The following ADAMTS16 variants were observed in gnomAD, a reference collection of about 807,000 sequenced individuals.
ADAMTS16 encodes the protein A disintegrin and metalloproteinase with thrombospondin motifs 16.
ADAMTS16 carries 94 observed loss-of-function variants against 145.8 expected under a neutral mutation model. The observed-to-expected ratio is 0.64, with a 90% CI of 0.55 to 0.77. The LOEUF (loss-of-function observed/expected upper bound fraction) is 0.77. ADAMTS16 is among the 30% of genes least tolerant of loss of function. ADAMTS16 has a pLI of 0.00. For missense variants in ADAMTS16, 1,585 were observed against 1,591.5 expected (o/e 1.00, Z 0.07); for synonymous variants, 659 against 604.3 (o/e 1.09, Z -1.33).
intron 5 of ADAMTS16, among the ~76,000 whole-genome samples, chr5:5,187,507 CCTTT>C (rs1219093129): frequency 2.0e-5 from 3 of 152,214 alleles, no homozygotes; most frequent in African/African-American, 7.2e-5. Flanking sequence ...GCCTTGTGAT[CCTTT>C]CTTAGGTGTT....
At chr5:5,245,276 A>C (rs1737405507) in intron 17 of ADAMTS16, among the ~76,000 whole-genome samples, 1 of 152,184 alleles carries the variant, frequency 6.6e-6, no homozygotes, top group Admixed American at 6.5e-5. Flanking sequence ...AGCATGTTTT[A>C]ACTGCTTGGA....
At chr5:5,302,837 A>C (rs961458669) in intron 18 of ADAMTS16, among the ~76,000 whole-genome samples, 5 of 152,168 alleles carry the variant, frequency 3.3e-5, no homozygotes, top group Admixed American at 6.5e-5. Flanking sequence ...ATGCATATTG[A>C]GATATTTTCA....
chr5:5,284,781 T>G (rs974899522), intron 18 of ADAMTS16, among the ~76,000 whole-genome samples: 41 of 152,258 alleles, frequency 2.7e-4, no homozygotes, highest in African/African-American at 9.4e-4. Context: ...TATACCCTTT[T>G]CACATATGTG....
intron 4 of ADAMTS16, among the ~76,000 whole-genome samples, chr5:5,184,264 G>C (rs1007883184): frequency 6.6e-6 from 1 of 151,868 alleles, no homozygotes; most frequent in African/African-American, 2.4e-5. Context: ...ACAGGTCCTC[G>C]TGTCACCTGT....
At chr5:5,207,411 A>T (rs181708573) in intron 9 of ADAMTS16, among the ~76,000 whole-genome samples, 61 of 152,104 alleles carry the variant, frequency 4.0e-4, no homozygotes, top group African/African-American at 1.3e-3. Flanking sequence ...CTTTGCCGTA[A>T]CTTATTAGTT....
intron 18 of ADAMTS16, among the ~76,000 whole-genome samples, chr5:5,302,623 G>A (rs908623432): frequency 3.3e-5 from 5 of 152,210 alleles, no homozygotes; most frequent in African/African-American, 1.2e-4. Flanking sequence ...TTAAGGTAAA[G>A]CCTAAAGACT....
Position 5,140,473 on chromosome 5 carries a change from G to A in ADAMTS16, c.6G>A (p.Lys2=), listed in dbSNP as rs1405409816. ...GCCCCTCGGAGCGCTCCTGGATGAA[G>A]CCCCGCGCGCGCGGATGGCGGGGCT... is the stretch of plus-strand genomic sequence containing the variant. M[K]PRARGWRGLA... is the part of the protein sequence containing the mutation. Residue 2 remains lysine, a synonymous_variant, in exon 1 of 23, where the codon AAG becomes AAA. Transcript: ENST00000274181. 4 of 1,512,520 alleles carry A rather than the reference G, an allele frequency of 2.6e-6. No homozygotes were observed. The highest frequency in any genetic ancestry group is 2.4e-5 in the South Asian group (2 of 82,010). 93.7% of individuals were successfully genotyped at this position (1,512,520 alleles called of 1,614,324 possible).
intron 3 of ADAMTS16, among the ~76,000 whole-genome samples, chr5:5,157,196 C>A (rs374161400): frequency 6.1e-4 from 92 of 151,070 alleles, no homozygotes; most frequent in African/African-American, 2.0e-3. Flanking sequence ...AATTTTGTAT[C>A]TTCTATAATT....
intron 10 of ADAMTS16, among the ~76,000 whole-genome samples, chr5:5,215,889 TATA>T (rs1560952826): frequency 1.2e-4 from 11 of 91,982 alleles, no homozygotes; most frequent in African/African-American, 3.6e-4. Flanking sequence ...TATATATATA[TATA>T]TATATATATA....
In ADAMTS16 at chr5:5,318,148, T is replaced by TG; in HGVS notation, c.3431dup (p.Gly1145ArgfsTer77). ...TGCTCTCACAGTGCACGGCCAGCTG[T>TG]GGGGGAGGCGTTCAGACGAGGTCCG... On this transcript the variant is annotated frameshift_variant, in exon 22 of 23. Transcript: ENST00000274181. LOFTEE classifies it high-confidence loss of function. 1 of 1,490,472 alleles carries TG rather than the reference T, an allele frequency of 6.7e-7. No homozygotes were observed. The highest frequency in any genetic ancestry group is 1.4e-5 in the African/African-American group (1 of 70,576). The allele number at this position is 1,490,472 out of a possible 1,614,324, so 92.3% of individuals were successfully genotyped here.
rs1434414880 is a variant in ADAMTS16 at position 5,146,382 on chromosome 5, A to C, written c.428A>C (p.Asp143Ala). The stretch of plus-strand genomic sequence containing the variant: ...TCTGTGCAGACTTTACCGCCAGAGG[A>C]CTTCTGTTTCTATCAAGGCTCTTTG... ...TKSVQTLPPE[D>A]FCFYQGSLRS... The change falls in exon 3 of 23, where the codon GAC becomes GCC. Residue 143 changes from aspartate (D) to alanine (A), a missense_variant. Physicochemically the swap from Asp to Ala is moderately radical, Grantham distance 126. Coordinates refer to ENST00000274181, the MANE Select transcript of ADAMTS16 (RefSeq NM_139056.4). 1 of 1,613,992 alleles carries C rather than the reference A, an allele frequency of 6.2e-7. No individual in the cohort carries two copies. Among genetic ancestry groups the C allele is most frequent in the Non-Finnish European group, 8.5e-7 (1 of 1,180,024 alleles).
In ADAMTS16 at chr5:5,187,739, C is replaced by T. The variant is rs765463357; in HGVS notation, c.978C>T (p.Phe326=). ...GTCTTTTTCAGGTATCTGCTTTATT[C>T]AAAGATGGAACAATAGGAGGAAACA... ...LTILNMVSAL[F]KDGTIGGNIN... The change falls in exon 6 of 23, where the codon TTC becomes TTT. Residue 326 remains phenylalanine (F), a synonymous_variant. Coordinates refer to ENST00000274181, the MANE Select transcript of ADAMTS16 (RefSeq NM_139056.4). 6.2e-6 allele frequency: 10 copies of T among 1,611,466 alleles called. No individual in the cohort carries two copies. The highest frequency in any genetic ancestry group is 1.7e-5 in the Admixed American group (1 of 59,838).
chr5:5,242,799 C>A (rs1195252899), intron 17 of ADAMTS16, among the ~76,000 whole-genome samples: 2 of 152,206 alleles, frequency 1.3e-5, no homozygotes, highest in African/African-American at 4.8e-5. Flanking sequence ...GCTACTTCCA[C>A]TTAAAGGAAG....
chr5:5,297,370 A>G (rs1739585427), intron 18 of ADAMTS16, among the ~76,000 whole-genome samples: 1 of 152,220 alleles, frequency 6.6e-6, no homozygotes, highest in Non-Finnish European at 1.5e-5. Context: ...GAAAGTGGGC[A>G]GAGGGGCAGC....
At chr5:5,221,408 C>T (rs1158219203) in intron 10 of ADAMTS16, among the ~76,000 whole-genome samples, 3 of 152,146 alleles carry the variant, frequency 2.0e-5, no homozygotes, top group African/African-American at 7.2e-5. Flanking sequence ...TGTTTGTTCC[C>T]TGCTGACAAA....
rs1259531301 is a variant in ADAMTS16, at chr5:5,186,037, T to C, written c.764-15T>C. On this transcript the variant is annotated splice_polypyrimidine_tract_variant and intron_variant, in intron 4 of 22. Transcript: ENST00000274181. ...GACTTGTGCTTCCATTTGCCCTCCA[T>C]GTGTCCCTCCATAGACATGCCCCAG... The C allele has an allele frequency of 2.5e-6, 4 of 1,604,602 alleles. No homozygotes were observed. Among genetic ancestry groups the C allele is most frequent in the Non-Finnish European group, 3.4e-6 (4 of 1,174,442 alleles).
chr5:5,267,853 C>G (rs953877235), intron 18 of ADAMTS16, among the ~76,000 whole-genome samples: 6 of 152,238 alleles, frequency 3.9e-5, no homozygotes, highest in African/African-American at 1.4e-4. Context: ...CCTCCCAGCA[C>G]TTCCCTGCCC....
chr5:5,244,833 T>G (rs16875133), intron 17 of ADAMTS16, among the ~76,000 whole-genome samples: 2,729 of 152,314 alleles, frequency 0.018, 81 homozygotes, highest in African/African-American at 0.06. Flanking sequence ...GAGACGACCT[T>G]ACACGTAGGC....
intron 11 of ADAMTS16, among the ~76,000 whole-genome samples, chr5:5,227,659 T>C (rs986612136): frequency 6.6e-6 from 1 of 152,198 alleles, no homozygotes; most frequent in Non-Finnish European, 1.5e-5. Context: ...AGGAAAATCA[T>C]TTAAGGATAC....
Sources: gnomAD v4.1 joint callset for allele counts (sites outside exome capture counted in the v4.1 genomes callset) on GRCh38, gnomAD v4.1.1 for gene constraint, MANE v1.5 for transcripts, NCBI Gene and HGNC (gene_info 2026-07-23, HGNC 2026-07-21) for gene names.